CADM2: variants seen among roughly 807,000 people sequenced by gnomAD.
CADM2 encodes the protein immunoglobulin superfamily member 4D.
Under a neutral mutation model 49.8 loss-of-function variants are expected in CADM2, and 12 were observed. The observed-to-expected ratio is 0.24, with a 90% confidence interval of 0.15 to 0.39. The LOEUF (loss-of-function observed/expected upper bound fraction) is 0.39, where lower values mean the gene tolerates loss of function less well. CADM2 is among the 10% of genes least tolerant of loss of function. CADM2 has a pLI of 1.00. For synonymous variants in CADM2, 214 were observed against 175.4 expected (o/e 1.22, Z -1.74); for missense variants, 378 against 492.3 (o/e 0.77, Z 2.20).
chr3:85,567,952 T>C (rs1249657192), intron 1 of CADM2, among the ~76,000 whole-genome samples: 2 of 152,170 alleles, frequency 1.3e-5, no homozygotes, highest in African/African-American at 2.4e-5. Flanking sequence ...GGCCCCGCTC[T>C]AGGGAGCTCT....
At chr3:85,352,359 A>G (rs1387494229) in intron 1 of CADM2, among the ~76,000 whole-genome samples, 1 of 152,170 alleles carries the variant, frequency 6.6e-6, no homozygotes, top group Non-Finnish European at 1.5e-5. Flanking sequence ...CTATCTTGCC[A>G]AATAAAAACA....
chr3:85,017,082 A>C (rs1017090024), intron 1 of CADM2, among the ~76,000 whole-genome samples: 7 of 152,192 alleles, frequency 4.6e-5, no homozygotes, highest in African/African-American at 1.2e-4. Flanking sequence ...GTAATCAGCT[A>C]TTTCTGATGC....
chr3:85,377,937 C>T (rs2033687786), intron 1 of CADM2, among the ~76,000 whole-genome samples: 1 of 151,912 alleles, frequency 6.6e-6, no homozygotes, highest in Non-Finnish European at 1.5e-5. Context: ...CAGTTTTTGG[C>T]AGTACATGAT....
intron 1 of CADM2, among the ~76,000 whole-genome samples, chr3:85,089,033 T>G (rs1035867934): frequency 1.3e-5 from 2 of 152,086 alleles, no homozygotes; most frequent in African/African-American, 4.8e-5. Context: ...TAATTCATGA[T>G]CTGGAGCTCT....
chr3:85,198,717 A>G (rs2041409582), intron 1 of CADM2, among the ~76,000 whole-genome samples: 1 of 151,892 alleles, frequency 6.6e-6, no homozygotes, highest in Non-Finnish European at 1.5e-5. Flanking sequence ...TTAGGCATTA[A>G]TCATTTCTGT....
chr3:86,014,496 G>A (rs1731962199), intron 8 of CADM2: 6 of 1,528,976 alleles, frequency 3.9e-6, no homozygotes, highest in Non-Finnish European at 4.4e-6. Flanking sequence ...GAAACTCCCT[G>A]GAAAATACCA....
intron 5 of CADM2, among the ~76,000 whole-genome samples, chr3:85,908,123 G>C (rs754348587): frequency 2.6e-5 from 4 of 151,696 alleles, no homozygotes; most frequent in Non-Finnish European, 4.4e-5. Flanking sequence ...CCAGAAACTA[G>C]ATATAGAGCC....
intron 1 of CADM2, among the ~76,000 whole-genome samples, chr3:85,431,749 A>G (rs2107522922): frequency 6.6e-6 from 1 of 150,662 alleles, no homozygotes; most frequent in Non-Finnish European, 1.5e-5. Context: ...GTAGGTGGAA[A>G]GTTTGTTGCT....
rs141787738 is a variant in CADM2 at position 85,746,548 on chromosome 3, T to G, written c.88+20000T>G. On this transcript the variant is annotated intron_variant, in intron 2 of 9. Transcript: ENST00000383699. ...TGTGCCTGCCCTCCTCCTTTTCTTT[T>G]TCTCTTTCTCTTTCATTGTCAGTAT... Among the ~76,000 whole-genome samples, 5 of 152,238 alleles carry G rather than the reference T, an allele frequency of 3.3e-5. No homozygotes were observed. In the East Asian group the frequency reaches 9.6e-4, roughly 29 times the overall value.
At chr3:85,416,271 C>T (rs1429865272) in intron 1 of CADM2, among the ~76,000 whole-genome samples, 18 of 151,938 alleles carry the variant, frequency 1.2e-4, no homozygotes, top group Admixed American at 1.1e-3. Flanking sequence ...TTAAAATATC[C>T]TAATTACTGA....
intron 1 of CADM2, among the ~76,000 whole-genome samples, chr3:85,059,318 TA>T (rs200486059): frequency 0.11 from 15,674 of 144,364 alleles, 1,368 homozygotes; most frequent in Admixed American, 0.27. Context: ...AATAAAAAAA[TA>T]AAAAAAAAAA....
chr3:85,144,291 G>A (rs72907139), intron 1 of CADM2, among the ~76,000 whole-genome samples: 15,853 of 150,614 alleles, frequency 0.11, 1,786 homozygotes, highest in African/African-American at 0.28. Flanking sequence ...AATCTTTCTC[G>A]TGTCTTTAAA....
chr3:85,367,082 G>A (rs1214516581), intron 1 of CADM2, among the ~76,000 whole-genome samples: 1 of 151,792 alleles, frequency 6.6e-6, no homozygotes, highest in African/African-American at 2.4e-5. Context: ...ATAAATTGAT[G>A]TGTCCAATTA....
At chr3:86,054,994 G>T (rs534731506) in intron 8 of CADM2, among the ~76,000 whole-genome samples, 21 of 152,192 alleles carry the variant, frequency 1.4e-4, no homozygotes, top group African/African-American at 5.1e-4. Flanking sequence ...AGGCAGAACA[G>T]CTCCAAGAGA....
intron 1 of CADM2, among the ~76,000 whole-genome samples, chr3:85,663,992 G>C (rs1361059657): frequency 6.6e-6 from 1 of 151,890 alleles, no homozygotes; most frequent in African/African-American, 2.4e-5. Flanking sequence ...TATGCACTTG[G>C]TTACTGACTC....
chr3:85,020,856 G>A (rs1263116020), intron 1 of CADM2, among the ~76,000 whole-genome samples: 1 of 151,786 alleles, frequency 6.6e-6, no homozygotes, highest in African/African-American at 2.4e-5. Flanking sequence ...CATTTCTAAA[G>A]GTATTTTGTA....
intron 1 of CADM2, among the ~76,000 whole-genome samples, chr3:85,504,063 AAAG>A: frequency 6.6e-6 from 1 of 152,322 alleles, no homozygotes; most frequent in East Asian, 1.9e-4. Flanking sequence ...TTACTGACTT[AAAG>A]AATAGAAGCC....
At chr3:85,752,563 A>G (rs1297761384) in intron 2 of CADM2, among the ~76,000 whole-genome samples, 1 of 151,816 alleles carries the variant, frequency 6.6e-6, no homozygotes, top group African/African-American at 2.4e-5. Flanking sequence ...TTGGATTCTG[A>G]CTATATGAAA....
At chr3:85,005,537 G>A (rs1418116665) in intron 1 of CADM2, among the ~76,000 whole-genome samples, 1 of 151,694 alleles carries the variant, frequency 6.6e-6, no homozygotes, top group East Asian at 1.9e-4. Context: ...CAAACTTCAG[G>A]GCAGATAAAT....
Sources: allele counts gnomAD v4.1 joint callset (sites outside exome capture counted in the v4.1 genomes callset), GRCh38; gene constraint gnomAD v4.1.1; transcripts MANE v1.5; gene names NCBI Gene and HGNC (gene_info 2026-07-23, HGNC 2026-07-21).